Variants in CCNY observed in about 807,000 individuals in gnomAD.
CCNY encodes cyclin Y, also known as cyclin-Y.
Under a neutral mutation model 42.8 loss-of-function variants are expected in CCNY, and 19 were observed. The ratio of observed to expected loss-of-function variants is 0.44; its 90% confidence interval spans 0.31 to 0.65. CCNY has a LOEUF of 0.65. Ranked by LOEUF, CCNY falls within the 30% of genes least tolerant of loss-of-function variation. CCNY has a pLI of 0.07. For synonymous variants in CCNY, 165 were observed against 162.7 expected, an observed-to-expected ratio of 1.01 and a Z score of -0.11; for missense variants, 370 against 437.3, an observed-to-expected ratio of 0.85 and a Z score of 1.37.
chr10:35,565,720 C>T (rs907090093), intron 8 of CCNY, among the ~76,000 whole-genome samples: 1 of 152,220 alleles, frequency 6.6e-6, no homozygotes, highest in Non-Finnish European at 1.5e-5. Context: ...TGTTAGCAGC[C>T]TGTCCTCACG....
intron 1 of CCNY, among the ~76,000 whole-genome samples, chr10:35,391,357 A>G (rs967158833): frequency 6.6e-6 from 1 of 152,082 alleles, no homozygotes; most frequent in Non-Finnish European, 1.5e-5. Context: ...AAGGCCAGTT[A>G]AGAACAGGTA....
chr10:35,518,923 A>G (rs1233435175), intron 4 of CCNY, among the ~76,000 whole-genome samples: 2 of 131,892 alleles, frequency 1.5e-5, no homozygotes, highest in African/African-American at 5.9e-5. Context: ...TTTTTAACAG[A>G]TCTTGATTGA....
intron 1 of CCNY, among the ~76,000 whole-genome samples, chr10:35,359,136 T>C (rs182809081): frequency 1.5e-3 from 234 of 152,356 alleles, no homozygotes; most frequent in African/African-American, 5.1e-3. Flanking sequence ...TCTTTGGACT[T>C]GTAGTGTGAC....
At chr10:35,428,946 CT>C (rs1383597651) in intron 1 of CCNY, among the ~76,000 whole-genome samples, 1 of 152,152 alleles carries the variant, frequency 6.6e-6, no homozygotes, top group Non-Finnish European at 1.5e-5. Flanking sequence ...CACAAGTATT[CT>C]TTTTTAACCT....
intron 1 of CCNY, among the ~76,000 whole-genome samples, chr10:35,365,561 T>C (rs2135164082): frequency 1.3e-5 from 2 of 152,306 alleles, no homozygotes; most frequent in Admixed American, 1.3e-4. Flanking sequence ...TATCGCAAAT[T>C]AGGATGTTTT....
chr10:35,390,802 A>G (rs112153354), intron 1 of CCNY, among the ~76,000 whole-genome samples: 102 of 152,280 alleles, frequency 6.7e-4, no homozygotes, highest in Non-Finnish European at 1.1e-3. Context: ...GAACTCCTGT[A>G]TTATTATTAT....
At chr10:35,490,510 C>A (rs989537545) in intron 2 of CCNY, among the ~76,000 whole-genome samples, 1 of 152,212 alleles carries the variant, frequency 6.6e-6, no homozygotes, top group Admixed American at 6.5e-5. Flanking sequence ...GTCCACTGCA[C>A]CTTCCCGCCC....
chr10:35,327,174 AAAG>A (rs747480652), intron 3 of CCNY, among the ~76,000 whole-genome samples: 1 of 152,226 alleles, frequency 6.6e-6, no homozygotes, highest in Non-Finnish European at 1.5e-5. Flanking sequence ...AAAAAAGAAA[AAAG>A]AAGGAACAGA....
At chr10:35,450,215 G>T (rs1258979621) in intron 1 of CCNY, among the ~76,000 whole-genome samples, 1 of 152,064 alleles carries the variant, frequency 6.6e-6, no homozygotes, top group Non-Finnish European at 1.5e-5. Flanking sequence ...ACAGGGTTGG[G>T]ATGTCAGGGA....
chr10:35,373,512 G>C (rs1836983887), intron 1 of CCNY, among the ~76,000 whole-genome samples: 2 of 152,238 alleles, frequency 1.3e-5, no homozygotes, highest in East Asian at 1.9e-4. Context: ...ATAGTAAAGA[G>C]GAACGGCATA....
chr10:35,430,334 C>T (rs1173963367), intron 1 of CCNY, among the ~76,000 whole-genome samples: 1 of 34,688 alleles, frequency 2.9e-5, no homozygotes, highest in African/African-American at 1.4e-4. Context: ...GAGACTCCGT[C>T]TCAAAAAAAA....
intron 7 of CCNY, among the ~76,000 whole-genome samples, chr10:35,547,745 C>T (rs2135443552): frequency 6.6e-6 from 1 of 152,276 alleles, no homozygotes; most frequent in South Asian, 2.1e-4. Flanking sequence ...ACCCCATATG[C>T]CCATGATGCA....
intron 1 of CCNY, among the ~76,000 whole-genome samples, chr10:35,350,272 T>C (rs564644349): frequency 5.8e-4 from 88 of 152,364 alleles, no homozygotes; most frequent in Non-Finnish European, 9.8e-4. Flanking sequence ...TTTGCTTTTT[T>C]CTTCCTTTTT....
At chr10:35,298,522 T>G (rs997525085) in intron 3 of CCNY, among the ~76,000 whole-genome samples, 4 of 152,176 alleles carry the variant, frequency 2.6e-5, no homozygotes, top group African/African-American at 9.7e-5. Context: ...TTCTTTTCTT[T>G]TTTAAAAAAC....
chr10:35,521,442 T>C (rs1392651992), intron 4 of CCNY, among the ~76,000 whole-genome samples: 1 of 152,202 alleles, frequency 6.6e-6, no homozygotes, highest in African/African-American at 2.4e-5. Context: ...ACTCTGTGGC[T>C]CGCCAGGGTT....
chr10:35,343,500 C>T (rs1836232618), intron 1 of CCNY, among the ~76,000 whole-genome samples: 1 of 151,664 alleles, frequency 6.6e-6, no homozygotes, highest in South Asian at 2.1e-4. Flanking sequence ...AGCAATTCCC[C>T]TGCCTCAGCC....
chr10:35,382,435 C>T (rs1202757548), intron 1 of CCNY, among the ~76,000 whole-genome samples: 2 of 152,224 alleles, frequency 1.3e-5, no homozygotes, highest in Non-Finnish European at 2.9e-5. Context: ...GTGGTAAGAC[C>T]TCAGCCAGAA....
Position 35,283,403 on chromosome 10 carries a change from G to GT in CCNY, c.-9+32791dup, listed in dbSNP as rs869225751. 9.3e-3 allele frequency among the ~76,000 whole-genome samples: 1,337 copies of GT among 143,592 alleles called. 1 individual carries two copies. The highest frequency in any genetic ancestry group is 0.015 in the Middle Eastern group (4 of 272). 94.2% of individuals were successfully genotyped at this position (143,592 alleles called of 152,430 possible). ...AGCTTATTGTACAAGTGTAAGGACAGTTTTTTTTTTTTTTAGAGACTGAGT... is the reference window on the plus strand; with the variant it reads ...AGCTTATTGTACAAGTGTAAGGACAGTTTTTTTTTTTTTTTAGAGACTGAGT... On this transcript the variant is annotated intron_variant, in intron 3 of 11. Coordinates refer to the CCNY transcript ENST00000374706.
At chr10:35,539,694 G>A (rs1047162777) in intron 7 of CCNY, among the ~76,000 whole-genome samples, 10 of 152,208 alleles carry the variant, frequency 6.6e-5, no homozygotes, top group Non-Finnish European at 1.2e-4. Context: ...GGCTGAGGCA[G>A]GAGAATCGCT....
Sources: allele counts gnomAD v4.1 joint callset (sites outside exome capture counted in the v4.1 genomes callset), GRCh38; gene constraint gnomAD v4.1.1; transcripts MANE v1.5; gene names NCBI Gene and HGNC (gene_info 2026-07-23, HGNC 2026-07-21).